The following ROBO2 variants were observed in gnomAD, a reference collection of about 807,000 sequenced individuals.
ROBO2 encodes roundabout guidance receptor 2.
A neutral mutation model predicts 160.8 loss-of-function variants in ROBO2; 53 were observed. The ratio of observed to expected loss-of-function variants is 0.33; its 90% CI spans 0.26 to 0.41. ROBO2 has a LOEUF of 0.41. ROBO2 is among the 10% of genes least tolerant of loss of function. ROBO2 has a pLI of 1.00. For missense variants in ROBO2, 1,577 were observed against 1,722.4 expected, an observed-to-expected ratio of 0.92 and a Z score of 1.49; for synonymous variants, 664 against 611.7, an observed-to-expected ratio of 1.09 and a Z score of -1.26.
intron 11 of ROBO2, 136 bp from the exon 13 acceptor site, chr3:77,564,818 G>C: frequency 1.2e-6 from 1 of 805,436 alleles, no homozygotes; most frequent in Admixed American, 2.0e-5. Flanking sequence ...TCATTTATTG[G>C]GCTGAATACT....
rs1201854439 is a variant in ROBO2 at position 76,567,620 on chromosome 3, G to GATATATATATATAT, written c.110-530374_110-530361dup. On this transcript the variant is annotated intron_variant, in intron 2 of 26. Transcript: ENST00000487694. Reference sequence around the variant, plus strand: ...TATATTTATGCTATACCAAACTACTGATATATATATATATATATATATATA... The same window carrying GATATATATATATAT: ...TATATTTATGCTATACCAAACTACTGATATATATATATATATATATATATATATATATATATATA... 6.1e-3 allele frequency among the ~76,000 whole-genome samples: 203 copies of GATATATATATATAT among 33,034 alleles called. 1 individual carries two copies. Among genetic ancestry groups the GATATATATATATAT allele is most frequent in the Non-Finnish European group, 0.01 (147 of 14,584 alleles). 21.7% of individuals were successfully genotyped at this position (33,034 alleles called of 152,430 possible). A position where few individuals can be genotyped will look rare whatever the true frequency, so the allele number is the denominator to read the frequency against.
intron 2 of ROBO2, among the ~76,000 whole-genome samples, chr3:76,571,106 T>G (rs893048867): frequency 6.6e-6 from 1 of 152,168 alleles, no homozygotes; most frequent in African/African-American, 2.4e-5. Flanking sequence ...CTCTAGCATG[T>G]ATAACTCACA....
At chr3:77,557,246 G>T (rs1008317963) in intron 8 of ROBO2, among the ~76,000 whole-genome samples, 41 of 151,844 alleles carry the variant, frequency 2.7e-4, no homozygotes, top group African/African-American at 9.7e-4. Flanking sequence ...TGTAAACACT[G>T]ATTTTGCACA....
intron 2 of ROBO2, among the ~76,000 whole-genome samples, chr3:77,002,356 G>T (rs566538138): frequency 6.6e-6 from 1 of 151,674 alleles, no homozygotes; most frequent in South Asian, 2.1e-4. Context: ...AAATCTTAAG[G>T]ATGACTCTGG....
rs2088159706 is a variant in ROBO2 at position 77,237,253 on chromosome 3, T to A, written c.388+138913T>A. 2.0e-5 allele frequency among the ~76,000 whole-genome samples: 3 copies of A among 148,238 alleles called. No homozygotes were observed. In the South Asian group the frequency reaches 6.4e-4, roughly 32 times the overall value. ...GTCTTGCTCTGTCTTCCAGGGTGGA[T>A]GGCAGTGGTGTGACCACAGCTCACT... On this transcript the variant is annotated intron_variant, in intron 2 of 25. Transcript: ENST00000461745.
intron 21 of ROBO2, among the ~76,000 whole-genome samples, chr3:77,614,843 C>T (rs1469773715): frequency 3.3e-5 from 5 of 152,170 alleles, no homozygotes; most frequent in African/African-American, 1.2e-4. Flanking sequence ...ATAAGGCCTT[C>T]AGTGACCAGC....
intron 2 of ROBO2, among the ~76,000 whole-genome samples, chr3:76,276,022 A>G (rs1707898202): frequency 6.6e-6 from 1 of 152,118 alleles, no homozygotes; most frequent in African/African-American, 2.4e-5. Context: ...CTGATATCAG[A>G]TAATTAACAT....
intron 1 of ROBO2, among the ~76,000 whole-genome samples, chr3:77,056,757 G>A (rs2065788945): frequency 6.6e-6 from 1 of 152,036 alleles, no homozygotes; most frequent in East Asian, 1.9e-4. Context: ...AACCTAAGGT[G>A]CTTGAATTGA....
At chr3:76,508,989 A>G (rs2080942475) in intron 2 of ROBO2, among the ~76,000 whole-genome samples, 1 of 152,180 alleles carries the variant, frequency 6.6e-6, no homozygotes, top group Non-Finnish European at 1.5e-5. Flanking sequence ...TGTGAATCTG[A>G]AGAAGCTCTA....
intron 2 of ROBO2, among the ~76,000 whole-genome samples, chr3:77,126,267 G>A (rs535774290): frequency 6.6e-6 from 1 of 152,240 alleles, no homozygotes; most frequent in East Asian, 1.9e-4. Flanking sequence ...CGTATTCAAA[G>A]ATGATTTAAA....
intron 2 of ROBO2, among the ~76,000 whole-genome samples, 164 bp from the exon 3 acceptor site, chr3:77,477,250 A>T (rs2084121819): frequency 6.6e-6 from 1 of 152,186 alleles, no homozygotes; most frequent in African/African-American, 2.4e-5. Context: ...ATGATCATTT[A>T]TGTTGGCTCC....
chr3:77,640,800 TC>T (rs2095340831), intron 24 of ROBO2, among the ~76,000 whole-genome samples: 1 of 152,262 alleles, frequency 6.6e-6, no homozygotes, highest in African/African-American at 2.4e-5. Flanking sequence ...CATGTCTTTT[TC>T]CAATTAGTTT....
intron 2 of ROBO2, among the ~76,000 whole-genome samples, chr3:77,190,140 T>G (rs2081693027): frequency 1.3e-5 from 2 of 152,046 alleles, no homozygotes; most frequent in Admixed American, 6.6e-5. Context: ...GGGGGAAAAT[T>G]TGACCCTTGT....
At chr3:77,011,969 G>A (rs2061949375) in intron 2 of ROBO2, among the ~76,000 whole-genome samples, 1 of 151,930 alleles carries the variant, frequency 6.6e-6, no homozygotes, top group African/African-American at 2.4e-5. Context: ...GAAATTTTTT[G>A]GAAGGTATTA....
At chr3:76,302,569 C>T (rs1709416058) in intron 2 of ROBO2, among the ~76,000 whole-genome samples, 1 of 152,112 alleles carries the variant, frequency 6.6e-6, no homozygotes, top group Admixed American at 6.6e-5. Flanking sequence ...CCATATATGA[C>T]AGTGGTCCCA....
chr3:76,506,812 ATGAG>A (rs929388298), intron 2 of ROBO2, among the ~76,000 whole-genome samples: 3 of 152,188 alleles, frequency 2.0e-5, no homozygotes, highest in Non-Finnish European at 4.4e-5. Context: ...TGATTCATGA[ATGAG>A]TGAGTGAAGG....
chr3:77,464,503 G>T (rs987076759), intron 2 of ROBO2, among the ~76,000 whole-genome samples: 3 of 152,134 alleles, frequency 2.0e-5, no homozygotes, highest in African/African-American at 7.2e-5. Context: ...CAAAGAAGAG[G>T]CTGTAGAGAC....
intron 2 of ROBO2, among the ~76,000 whole-genome samples, chr3:77,351,271 C>T (rs924093592): frequency 6.6e-6 from 1 of 152,100 alleles, no homozygotes; most frequent in African/African-American, 2.4e-5. Flanking sequence ...CATATCAAAA[C>T]ATACTGGCAT....
intron 2 of ROBO2, among the ~76,000 whole-genome samples, chr3:76,422,022 T>C (rs1195731458): frequency 6.6e-6 from 1 of 152,130 alleles, no homozygotes; most frequent in African/African-American, 2.4e-5. Context: ...AATCGTAGGT[T>C]CTTAGTAACT....
Sources: gnomAD v4.1 joint callset for allele counts (sites outside exome capture counted in the v4.1 genomes callset) on GRCh38, gnomAD v4.1.1 for gene constraint, MANE v1.5 for transcripts, NCBI Gene and HGNC (gene_info 2026-07-23, HGNC 2026-07-21) for gene names.